The following PRTG variants were observed in gnomAD, a reference collection of about 807,000 sequenced individuals.
PRTG encodes the protein protogenin, also known as immunoglobulin superfamily, DCC subclass, member 5.
A neutral mutation model predicts 122.5 loss-of-function variants in PRTG; 67 were observed. That is an observed-to-expected ratio of 0.55 (90% CI 0.45 to 0.67). The LOEUF is 0.67. PRTG is among the 30% of genes least tolerant of loss of function. The pLI, the probability that PRTG is intolerant of heterozygous loss-of-function variation, is 0.00. For missense variants in PRTG, 1,435 were observed against 1,415.4 expected, an observed-to-expected ratio of 1.01 and a Z score of -0.22; for synonymous variants, 554 against 501.1, an observed-to-expected ratio of 1.11 and a Z score of -1.41.
intron 11 of PRTG, among the ~76,000 whole-genome samples, chr15:55,652,726 A>G (rs1039575380): frequency 3.3e-5 from 5 of 152,200 alleles, no homozygotes; most frequent in Admixed American, 6.5e-5. Flanking sequence ...GCTATGTGTA[A>G]GCACAGTAAC....
intron 17 of PRTG, among the ~76,000 whole-genome samples, chr15:55,626,399 A>T (rs1395465787): frequency 6.7e-6 from 1 of 150,006 alleles, no homozygotes; most frequent in Non-Finnish European, 1.5e-5. Context: ...ACAGAATGAG[A>T]CTTTGTCTCA....
intron 2 of PRTG, among the ~76,000 whole-genome samples, chr15:55,728,405 T>C (rs1388120793): frequency 2.6e-5 from 4 of 152,172 alleles, no homozygotes; most frequent in Non-Finnish European, 5.9e-5. Flanking sequence ...AAAAGAATTA[T>C]ACTGACCAAG....
At chr15:55,725,728 T>G (rs1433725248) in intron 2 of PRTG, among the ~76,000 whole-genome samples, 3 of 152,142 alleles carry the variant, frequency 2.0e-5, no homozygotes, top group Non-Finnish European at 4.4e-5. Flanking sequence ...CAAAATGGAT[T>G]TTTAAAAACT....
At chr15:55,729,013 G>A (rs924850583) in intron 2 of PRTG, among the ~76,000 whole-genome samples, 1 of 152,198 alleles carries the variant, frequency 6.6e-6, no homozygotes, top group Non-Finnish European at 1.5e-5. Flanking sequence ...AAAAGAATAA[G>A]ATGCCCAGAT....
At chr15:55,714,017 C>T (rs940060769) in intron 2 of PRTG, among the ~76,000 whole-genome samples, 3 of 152,238 alleles carry the variant, frequency 2.0e-5, no homozygotes, top group African/African-American at 7.2e-5. Context: ...ACTTCAGGTA[C>T]TTAACCCTGT....
chr15:55,707,841 A>G (rs2030196021), intron 2 of PRTG, among the ~76,000 whole-genome samples: 1 of 152,228 alleles, frequency 6.6e-6, no homozygotes, highest in Non-Finnish European at 1.5e-5. Flanking sequence ...AACTGCATTC[A>G]GGACCAACTG....
chr15:55,710,290 A>T (rs1358744998), intron 2 of PRTG, among the ~76,000 whole-genome samples: 2 of 152,200 alleles, frequency 1.3e-5, no homozygotes, highest in Non-Finnish European at 2.9e-5. Flanking sequence ...TCATCCTCAA[A>T]TATTAAAATA....
At chr15:55,622,222 T>G (rs1374007108) in intron 18 of PRTG, among the ~76,000 whole-genome samples, 1 of 148,902 alleles carries the variant, frequency 6.7e-6, no homozygotes. Flanking sequence ...ACTTGTTTTT[T>G]TTTTTTTTTT....
rs997016377 is a variant in PRTG at position 55,612,339 on chromosome 15, C to T, written c.*7673G>A. The T allele has an allele frequency of 6.6e-6, 1 of 151,612 alleles. No individual in the cohort carries two copies. The highest frequency in any genetic ancestry group is 6.6e-5 in the Admixed American group (1 of 15,224). The allele number at this position is 151,612 out of a possible 1,614,324, so 9.4% of individuals were successfully genotyped here. A position where few individuals can be genotyped will look rare whatever the true frequency, so the allele number is the denominator to read the frequency against. On this transcript the variant is annotated 3_prime_UTR_variant, in exon 20 of 20. Coordinates refer to ENST00000389286, the MANE Select transcript of PRTG (RefSeq NM_173814.6). Reference sequence around the variant, plus strand: ...CATAAATTTTTTTTCAGTTGTAAGTCAAGACTATGTCTATATACCATGAAC... The same window carrying T: ...CATAAATTTTTTTTCAGTTGTAAGTTAAGACTATGTCTATATACCATGAAC...
At chr15:55,683,465 T>G (rs1323404106) in intron 3 of PRTG, among the ~76,000 whole-genome samples, 1 of 152,154 alleles carries the variant, frequency 6.6e-6, no homozygotes, top group Non-Finnish European at 1.5e-5. Flanking sequence ...ACACCAACAC[T>G]GCCCTTCCCA....
intron 11 of PRTG, among the ~76,000 whole-genome samples, chr15:55,642,176 G>A (rs1246868386): frequency 5.6e-5 from 5 of 89,062 alleles, no homozygotes; most frequent in Non-Finnish European, 7.3e-5. Flanking sequence ...GCGAGACTCC[G>A]TCTCAAAAAA....
At chr15:55,686,038 T>C (rs989748168) in intron 2 of PRTG, among the ~76,000 whole-genome samples, 2 of 152,198 alleles carry the variant, frequency 1.3e-5, no homozygotes, top group Non-Finnish European at 2.9e-5. Context: ...GCTGTTTATC[T>C]ACTAAAGAAT....
rs1482151002 is a variant in PRTG at position 55,616,577 on chromosome 15, G to T, written c.*3435C>A. ...ATGTGGCTGAATCACAGATTAAATG[G>T]AAAGTCCTCATGCATGTTATTTGTA... On this transcript the variant is annotated 3_prime_UTR_variant, in exon 20 of 20. Coordinates refer to ENST00000389286, the MANE Select transcript of PRTG (RefSeq NM_173814.6). The T allele has an allele frequency of 6.6e-6, 1 of 152,108 alleles. No homozygotes were observed. Among genetic ancestry groups the T allele is most frequent in the East Asian group, 1.9e-4 (1 of 5,198 alleles). 9.4% of individuals were successfully genotyped at this position (152,108 alleles called of 1,614,324 possible).
chr15:55,702,878 GCAATTCGGGGA>G, intron 2 of PRTG: 4 of 983,892 alleles, frequency 4.1e-6, no homozygotes, highest in Non-Finnish European at 4.8e-6. Context: ...ACACAGGATT[GCAATTCGGGGA>G]CAGACCTTTT....
rs200755055 is a variant in PRTG, at chr15:55,740,385, A to G, written c.394T>C (p.Ser132Pro). The G allele has an allele frequency of 4.0e-5, 63 of 1,589,414 alleles. No homozygotes were observed. Among genetic ancestry groups the G allele is most frequent in the Non-Finnish European group, 4.5e-5 (53 of 1,168,134 alleles). The change falls in exon 2 of 20, where the codon TCA (serine) becomes CCA (proline). Residue 132 changes from serine (S) to proline (P), a missense_variant. Physicochemically the swap from Ser to Pro is moderately conservative, Grantham distance 74. Transcript: ENST00000389286. The part of the protein sequence containing the change: ...ILSQKAHLAL[S>P]TISAFEVQPI... ...AACTAAAAACTTAAACACTTACTTG[A>G]TAAGGCAAGATGAGCTTTTTGACTA...
intron 2 of PRTG, among the ~76,000 whole-genome samples, chr15:55,688,504 C>T (rs566043032): frequency 9.2e-5 from 14 of 152,204 alleles, no homozygotes; most frequent in Non-Finnish European, 1.6e-4. Flanking sequence ...GTACTCATCG[C>T]TCCAACTGTG....
chr15:55,714,793 T>C lies in PRTG; in HGVS notation c.397+25589A>G, dbSNP rs569578456. Reference sequence around the variant, plus strand: ...TTTGCATCAAAATTGAGCAGCTTCTTAAATAAACATAGCTTGATGTTGCTA... The same window carrying C: ...TTTGCATCAAAATTGAGCAGCTTCTCAAATAAACATAGCTTGATGTTGCTA... On this transcript the variant is annotated intron_variant, in intron 2 of 19. Coordinates refer to ENST00000389286, the MANE Select transcript of PRTG (RefSeq NM_173814.6). 7.9e-5 allele frequency among the ~76,000 whole-genome samples: 12 copies of C among 152,274 alleles called. 1 individual carries two copies. The highest frequency in any genetic ancestry group is 2.9e-4 in the African/African-American group (12 of 41,550).
chr15:55,686,563 T>C (rs755402793), intron 2 of PRTG, among the ~76,000 whole-genome samples: 4 of 152,194 alleles, frequency 2.6e-5, no homozygotes, highest in Non-Finnish European at 5.9e-5. Flanking sequence ...AGTCCTCTGT[T>C]CAATTCAGGC....
intron 16 of PRTG, among the ~76,000 whole-genome samples, chr15:55,628,013 C>T (rs1346066378): frequency 1.3e-5 from 2 of 152,266 alleles, no homozygotes; most frequent in Admixed American, 6.5e-5. Context: ...ATGAGCCTTG[C>T]TTTCCATTTC....
Sources: gnomAD v4.1 joint callset for allele counts (sites outside exome capture counted in the v4.1 genomes callset) on GRCh38, gnomAD v4.1.1 for gene constraint, MANE v1.5 for transcripts, NCBI Gene and HGNC (gene_info 2026-07-23, HGNC 2026-07-21) for gene names.